Variants in ZNF276 observed in about 807,000 individuals in gnomAD.
ZNF276 encodes the protein centromere protein Z.
In ZNF276, 59 loss-of-function variants were observed where a neutral mutation model predicts 63.9. The observed-to-expected ratio is 0.92, with a 90% CI of 0.75 to 1.15. The LOEUF (loss-of-function observed/expected upper bound fraction) is 1.15. ZNF276 is among the 50% of genes most tolerant of loss of function. ZNF276 has a pLI of 0.00. For synonymous variants in ZNF276, 496 were observed against 348.4 expected (o/e 1.42, Z -4.72); for missense variants, 1,084 against 843.8 (o/e 1.28, Z -3.53).
chr16:89,728,106 G>C (rs546012122), intron 5 of ZNF276, among the ~76,000 whole-genome samples: 2 of 152,318 alleles, frequency 1.3e-5, no homozygotes, highest in African/African-American at 2.4e-5. Flanking sequence ...GATGAAATCG[G>C]GCAGGTGCCA....
intron 8 of ZNF276, 30 bp downstream of exon 8, chr16:89,733,587 C>T (rs374074064): frequency 5.8e-5 from 93 of 1,611,698 alleles, no homozygotes; most frequent in Middle Eastern, 1.9e-4. Flanking sequence ...GACCCAGGCC[C>T]GGCAGCTGTC....
At chr16:89,725,557 T>C (rs528345767) in intron 4 of ZNF276, among the ~76,000 whole-genome samples, 1 of 151,746 alleles carries the variant, frequency 6.6e-6, no homozygotes, top group Admixed American at 6.6e-5. Context: ...TCTGGGATGC[T>C]GAGGTAGGCG....
rs2062018428 is a variant in ZNF276 at position 89,738,310 on chromosome 16, C to T, written c.*64C>T. The T allele has an allele frequency of 6.6e-7, 1 of 1,525,394 alleles. No individual in the cohort carries two copies. Among genetic ancestry groups the T allele is most frequent in the Middle Eastern group, 2.1e-4 (1 of 4,746 alleles). 94.5% of individuals were successfully genotyped at this position (1,525,394 alleles called of 1,614,324 possible). A position where few individuals can be genotyped will look rare whatever the true frequency, so the allele number is the denominator to read the frequency against. ...TCCGCAGTGGCTGTGTCAGCCTCAC[C>T]CTTCGTGTGCACCCGCATGGGAGGG... On this transcript the variant is annotated 3_prime_UTR_variant, in exon 11 of 11. Coordinates refer to ENST00000443381, the MANE Select transcript of ZNF276 (RefSeq NM_001113525.2).
chr16:89,721,001 G>T, upstream of ZNF276: 1 of 832,620 alleles, frequency 1.2e-6, no homozygotes, highest in Non-Finnish European at 1.6e-6. Context: ...CCGGCGACGG[G>T]CCCCCTCCGC....
rs558672797 is a variant in ZNF276, at chr16:89,738,957, C to T, written c.*711C>T. On this transcript the variant is annotated 3_prime_UTR_variant, in exon 11 of 11. Coordinates refer to ENST00000443381, the MANE Select transcript of ZNF276 (RefSeq NM_001113525.2). ...GCAGAAAAAGACGAGCTTTTGTTAT[C>T]AGTTCCACGGGGTTGCCCTAGAGAG... 1 of 1,614,250 alleles carries T rather than the reference C, an allele frequency of 6.2e-7. No homozygotes were observed. The highest frequency in any genetic ancestry group is 1.1e-5 in the South Asian group (1 of 91,078).
At chr16:89,735,881 G>A (rs1365642248) in intron 9 of ZNF276, among the ~76,000 whole-genome samples, 86 of 101,982 alleles carry the variant, frequency 8.4e-4, no homozygotes, top group African/African-American at 3.0e-3. Flanking sequence ...CGCCGGGGGT[G>A]TTTTTTTTTG....
At chr16:89,727,660 G>A (rs1034537495) in intron 5 of ZNF276, among the ~76,000 whole-genome samples, 1 of 152,168 alleles carries the variant, frequency 6.6e-6, no homozygotes, top group Non-Finnish European at 1.5e-5. Context: ...AGCACTCCCA[G>A]ACCTGAGGCA....
chr16:89,731,434 A>C (rs1372673641), intron 6 of ZNF276: 1 of 152,208 alleles, frequency 6.6e-6, no homozygotes, highest in African/African-American at 2.4e-5. Flanking sequence ...TTGTATTTTT[A>C]GTAGAGATGG....
In ZNF276 at chr16:89,738,309, C is replaced by A. The variant is rs2062018328; in HGVS notation, c.*63C>A. The A allele has an allele frequency of 8.5e-6, 13 of 1,526,828 alleles. 1 individual carries two copies. The South Asian group carries it at 1.3e-4, about 16-fold the overall frequency. The allele number at this position is 1,526,828 out of a possible 1,614,324, so 94.6% of individuals were successfully genotyped here. A position where few individuals can be genotyped will look rare whatever the true frequency, so the allele number is the denominator to read the frequency against. On this transcript the variant is annotated 3_prime_UTR_variant, in exon 11 of 11. Coordinates refer to ENST00000443381, the MANE Select transcript of ZNF276 (RefSeq NM_001113525.2). ...CTCCGCAGTGGCTGTGTCAGCCTCA[C>A]CCTTCGTGTGCACCCGCATGGGAGG...
chr16:89,723,174 G>C lies in ZNF276; in HGVS notation c.547G>C (p.Ala183Pro). The part of the protein sequence containing the change: ...AQPPTGAEEG[A>P]CLVDLITSSP... ...GCCCCCAACAGGGGCAGAGGAGGGA[G>C]CGTGTCTGGGTGAGTCCTCCCCCGG... The change falls in exon 3 of 11, where the codon GCG becomes CCG. Residue 183 changes from alanine (A) to proline (P), a missense_variant. Ala to Pro is a conservative substitution (Grantham distance 27). Coordinates refer to ENST00000443381, the MANE Select transcript of ZNF276 (RefSeq NM_001113525.2). 1.2e-6 allele frequency: 2 copies of C among 1,613,234 alleles called. No homozygotes were observed. Among genetic ancestry groups the C allele is most frequent in the Non-Finnish European group, 8.5e-7 (1 of 1,180,042 alleles).
chr16:89,738,098 C>T lies in ZNF276; in HGVS notation c.1697C>T (p.Ala566Val), dbSNP rs1598045446. ...CDQCGRRFEKAHNLNVHMSMV... is the reference protein window; with the variant it reads ...CDQCGRRFEKVHNLNVHMSMV... ...CAGTGTGGCCGGCGGTTTGAGAAGG[C>T]CCACAACCTCAATGTACACATGTCC... Residue 566 changes from alanine (A) to valine (V), a missense_variant, in exon 11 of 11, where the codon GCC (alanine) becomes GTC (valine). Transcript: ENST00000443381. 5.0e-6 allele frequency: 8 copies of T among 1,613,976 alleles called. No individual in the cohort carries two copies. The South Asian group carries it at 8.8e-5, about 18-fold the overall frequency.
At chr16:89,733,135 CCA>C (rs1242952881) in intron 6 of ZNF276, 165 bp from the exon 7 acceptor site, 1 of 669,410 alleles carries the variant, frequency 1.5e-6, no homozygotes, top group East Asian at 2.7e-5. Context: ...GGCCTCCTGT[CCA>C]GAGTTGCTCT....
At chr16:89,731,084 G>C (rs546283255) in intron 6 of ZNF276, among the ~76,000 whole-genome samples, 1 of 152,236 alleles carries the variant, frequency 6.6e-6, no homozygotes, top group Non-Finnish European at 1.5e-5. Context: ...GTGCTGAGGA[G>C]GTGAGTGGTC....
Position 89,723,287 on chromosome 16 carries a change from G to T in ZNF276, c.584G>T (p.Cys195Phe), listed in dbSNP as rs888935533. The T allele has an allele frequency of 1.2e-6, 2 of 1,613,032 alleles. No individual in the cohort carries two copies. Among genetic ancestry groups the T allele is most frequent in the Non-Finnish European group, 8.5e-7 (1 of 1,179,978 alleles). Reference protein sequence around the residue: ...LVDLITSSPQCLHGLVGWVHG... With the variant: ...LVDLITSSPQFLHGLVGWVHG... ...GATCTGATCACATCCAGCCCCCAGT[G>T]CCTGCACGGCTTGGTGGGGTGGGTG... Residue 195 changes from cysteine (C) to phenylalanine (F), a missense_variant, in exon 4 of 11, where the codon TGC (cysteine) becomes TTC (phenylalanine). Transcript: ENST00000443381.
At chr16:89,736,794 C>CTAAAAAAA (rs1647999802) in intron 9 of ZNF276, among the ~76,000 whole-genome samples, 6 of 24,332 alleles carry the variant, frequency 2.5e-4, no homozygotes, top group African/African-American at 1.1e-3. Context: ...GACCCTGTCT[C>CTAAAAAAA]CAAAAAAAAA....
rs151241802 is a variant in ZNF276 at position 89,740,031 on chromosome 16, C to T, written c.*1785C>T. The T allele has an allele frequency of 6.2e-7, 1 of 1,614,182 alleles. No individual in the cohort carries two copies. Among genetic ancestry groups the T allele is most frequent in the Non-Finnish European group, 8.5e-7 (1 of 1,180,036 alleles). ...ACTGAAAGAGTGCCAGCCAGGATAT[C>T]TTCCTCTTCTCTAAACACTCGAGGA... On this transcript the variant is annotated 3_prime_UTR_variant, in exon 11 of 11. Transcript: ENST00000443381.
Position 89,722,656 on chromosome 16 carries a change from C to A in ZNF276, c.331C>A (p.Arg111Ser), listed in dbSNP as rs1185186665. ...ASMERPSAEE[R>S]VLVRDFQRLL... ...CATGGAGAGGCCATCCGCAGAGGAG[C>A]GCGTGCTCGTACGGGACTTCCAGCG... is the stretch of plus-strand genomic sequence containing the variant. Residue 111 changes from arginine to serine, a missense_variant, in exon 2 of 11, where the codon CGC becomes AGC. Coordinates refer to ENST00000443381, the MANE Select transcript of ZNF276 (RefSeq NM_001113525.2). 5.6e-6 allele frequency: 9 copies of A among 1,612,134 alleles called. No individual in the cohort carries two copies. The Admixed American group carries it at 1.2e-4, about 21-fold the overall frequency.
chr16:89,737,370 A>C (rs1242890656), intron 9 of ZNF276, among the ~76,000 whole-genome samples: 1 of 151,614 alleles, frequency 6.6e-6, no homozygotes, highest in Non-Finnish European at 1.5e-5. Context: ...AAAATACAAA[A>C]ATCAGCTGGG....
intron 9 of ZNF276, among the ~76,000 whole-genome samples, chr16:89,735,363 C>G (rs111718397): frequency 0.027 from 4,159 of 152,178 alleles, 206 homozygotes; most frequent in African/African-American, 0.095. Flanking sequence ...TGGTTTTGAA[C>G]TTATTACAGA....
Sources: gnomAD v4.1 joint callset for allele counts (sites outside exome capture counted in the v4.1 genomes callset) on GRCh38, gnomAD v4.1.1 for gene constraint, MANE v1.5 for transcripts, NCBI Gene and HGNC (gene_info 2026-07-23, HGNC 2026-07-21) for gene names.